The following SLC15A5 variants were observed in gnomAD, a reference collection of about 807,000 sequenced individuals.
The protein encoded by SLC15A5 is Peptide/histidine transporter ENSP00000340402.
SLC15A5 carries 58 observed loss-of-function variants against 56.1 expected under a neutral mutation model. The observed-to-expected ratio is 1.03, with a 90% CI of 0.84 to 1.29. The LOEUF (loss-of-function observed/expected upper bound fraction) is 1.29. Ranked by LOEUF, SLC15A5 falls within the 50% of genes most tolerant of loss-of-function variation. The pLI is 0.00. For missense variants in SLC15A5, 681 were observed against 672.1 expected (o/e 1.01, Z -0.15); for synonymous variants, 264 against 250.5 (o/e 1.05, Z -0.51).
chr12:16,196,287 G>T lies in SLC15A5; in HGVS notation c.1484-1834C>A, dbSNP rs1181700995. Among the ~76,000 whole-genome samples the T allele has an allele frequency of 6.6e-6, 1 of 152,100 alleles. No homozygotes were observed. Among genetic ancestry groups the T allele is most frequent in the Non-Finnish European group, 1.5e-5 (1 of 67,998 alleles). On this transcript the variant is annotated intron_variant, in intron 7 of 8. Coordinates refer to ENST00000344941, the MANE Select transcript of SLC15A5 (RefSeq NM_001170798.1). The surrounding 1 kb of genome is among the most constrained non-coding windows in gnomAD (Gnocchi z 4.0). ...CAGTTACATGATGCCTGTATCTGGTGTTTAGATGAGTAAATGAAGTTCACT... is the reference window on the plus strand; with the variant it reads ...CAGTTACATGATGCCTGTATCTGGTTTTTAGATGAGTAAATGAAGTTCACT...
At chr12:16,260,853 T>C (rs1398646794) in intron 2 of SLC15A5, among the ~76,000 whole-genome samples, 1 of 152,076 alleles carries the variant, frequency 6.6e-6, no homozygotes, top group African/African-American at 2.4e-5. Flanking sequence ...GGGGTAATTA[T>C]TTCCTATATG....
At chr12:16,217,111 C>T (rs1057374320) in intron 6 of SLC15A5, 87 bp from the exon 7 acceptor site, 14 of 1,360,972 alleles carry the variant, frequency 1.0e-5, no homozygotes, top group African/African-American at 2.9e-5. Flanking sequence ...GATCATGTAT[C>T]AAAGAAAATT....
intron 3 of SLC15A5, among the ~76,000 whole-genome samples, chr12:16,249,786 ATATATGTATACAT>A (rs1364710493): frequency 6.6e-6 from 1 of 152,068 alleles, no homozygotes; most frequent in Non-Finnish European, 1.5e-5. Context: ...GTATATATGA[ATATATGTATACAT>A]ATGTATGCAT....
chr12:16,255,608 G>C (rs1159040338), intron 3 of SLC15A5, among the ~76,000 whole-genome samples: 1 of 151,896 alleles, frequency 6.6e-6, no homozygotes, highest in African/African-American at 2.4e-5. Context: ...CTATCCTAAA[G>C]ATACACTGGC....
chr12:16,249,686 T>G (rs1864500804), intron 3 of SLC15A5, among the ~76,000 whole-genome samples: 1 of 152,082 alleles, frequency 6.6e-6, no homozygotes, highest in African/African-American at 2.4e-5. Flanking sequence ...TTGTATTTCT[T>G]GATTCAGATG....
At chr12:16,208,811 T>C (rs1165774675) in intron 7 of SLC15A5, among the ~76,000 whole-genome samples, 1 of 152,216 alleles carries the variant, frequency 6.6e-6, no homozygotes, top group African/African-American at 2.4e-5. Context: ...ATTTTTTTAG[T>C]ATAAGGAGGT....
intron 4 of SLC15A5, among the ~76,000 whole-genome samples, chr12:16,244,378 C>G (rs1864441423): frequency 6.6e-6 from 1 of 152,174 alleles, no homozygotes; most frequent in Admixed American, 6.5e-5. Flanking sequence ...AAACACATCC[C>G]AGGGTCTCCT....
At chr12:16,201,425 T>A (rs899483295) in intron 7 of SLC15A5, among the ~76,000 whole-genome samples, 1 of 151,978 alleles carries the variant, frequency 6.6e-6, no homozygotes, top group African/African-American at 2.4e-5. Context: ...CAGAAATAAA[T>A]CTGTGCATTT....
chr12:16,216,501 CAAATCATGAGA>C (rs1158144646), intron 7 of SLC15A5, among the ~76,000 whole-genome samples: 2 of 152,010 alleles, frequency 1.3e-5, no homozygotes, highest in African/African-American at 2.4e-5. Flanking sequence ...AGAATTGTGG[CAAATCATGAGA>C]AAAAAAGATC....
intron 8 of SLC15A5, among the ~76,000 whole-genome samples, chr12:16,193,916 A>T (rs1258081342): frequency 3.1e-5 from 3 of 96,472 alleles, no homozygotes; most frequent in East Asian, 7.7e-4. Context: ...AAGCTAAGGG[A>T]TTTTGTAGTT....
At chr12:16,219,121 A>G (rs937142839) in intron 6 of SLC15A5, among the ~76,000 whole-genome samples, 4 of 152,124 alleles carry the variant, frequency 2.6e-5, no homozygotes. Flanking sequence ...CTGGACTTTA[A>G]ACTCTGGAGC....
At chr12:16,257,218 T>C (rs992030800) in intron 3 of SLC15A5, among the ~76,000 whole-genome samples, 1 of 152,044 alleles carries the variant, frequency 6.6e-6, no homozygotes, top group African/African-American at 2.4e-5. Context: ...CTACATAATA[T>C]ATTACATATA....
At chr12:16,255,252 A>T (rs911180702) in intron 3 of SLC15A5, among the ~76,000 whole-genome samples, 2 of 152,144 alleles carry the variant, frequency 1.3e-5, no homozygotes, top group Non-Finnish European at 2.9e-5. Flanking sequence ...ACCACAATAA[A>T]TACCACAACC....
At chr12:16,240,496 C>T (rs1411278443) in intron 4 of SLC15A5, among the ~76,000 whole-genome samples, 2 of 151,824 alleles carry the variant, frequency 1.3e-5, no homozygotes, top group Admixed American at 6.6e-5. Context: ...AAACTAATTA[C>T]GTGATGCTAG....
chr12:16,219,932 T>C (rs1258380281), intron 6 of SLC15A5, among the ~76,000 whole-genome samples: 1 of 152,156 alleles, frequency 6.6e-6, no homozygotes, highest in Non-Finnish European at 1.5e-5. Flanking sequence ...CTCCAGGTAG[T>C]AGCTGGTTAG....
Position 16,269,594 on chromosome 12 carries a change from G to C in SLC15A5, c.584+2967C>G, listed in dbSNP as rs373171268. On this transcript the variant is annotated intron_variant, in intron 2 of 8. Coordinates refer to ENST00000344941, the MANE Select transcript of SLC15A5 (RefSeq NM_001170798.1). This position sits in a 1 kb window ranked among gnomAD's most constrained non-coding sequence, Gnocchi z 4.7. ...CCCTAAGATAAAATATATTTAATTTGAGTAAGTGTTAAAATCAGAATATTT... is the reference window on the plus strand; with the variant it reads ...CCCTAAGATAAAATATATTTAATTTCAGTAAGTGTTAAAATCAGAATATTT... Among the ~76,000 whole-genome samples the C allele has an allele frequency of 2.6e-5, 4 of 152,074 alleles. No homozygotes were observed. The highest frequency in any genetic ancestry group is 7.2e-5 in the African/African-American group (3 of 41,410).
At chr12:16,225,829 A>C (rs1864236015) in intron 5 of SLC15A5, among the ~76,000 whole-genome samples, 1 of 152,216 alleles carries the variant, frequency 6.6e-6, no homozygotes, top group Non-Finnish European at 1.5e-5. Context: ...ATGTTTCCTC[A>C]ACATTTGTTT....
intron 1 of SLC15A5, 130 bp downstream of exon 1, chr12:16,277,195 G>T: frequency 3.4e-6 from 3 of 892,616 alleles, no homozygotes; most frequent in Non-Finnish European, 4.9e-6. Context: ...GAAATACATT[G>T]AACCCACATT....
Position 16,269,596 on chromosome 12 carries a change from G to A in SLC15A5, c.584+2965C>T, listed in dbSNP as rs1864730128. Among the ~76,000 whole-genome samples the A allele has an allele frequency of 6.6e-6, 1 of 152,092 alleles. No homozygotes were observed. The highest frequency in any genetic ancestry group is 1.5e-5 in the Non-Finnish European group (1 of 68,022). ...CTAAGATAAAATATATTTAATTTGA[G>A]TAAGTGTTAAAATCAGAATATTTCA... On this transcript the variant is annotated intron_variant, in intron 2 of 8. Transcript: ENST00000344941. This position sits in a 1 kb window ranked among gnomAD's most constrained non-coding sequence, Gnocchi z 4.7.
Sources: allele counts gnomAD v4.1 joint callset (sites outside exome capture counted in the v4.1 genomes callset), GRCh38; gene constraint gnomAD v4.1.1; non-coding constraint Gnocchi (gnomAD v3.1); transcripts MANE v1.5; gene names NCBI Gene and HGNC (gene_info 2026-07-23, HGNC 2026-07-21).